The following KDM4B variants were observed in gnomAD, a reference collection of about 807,000 sequenced individuals.
The protein encoded by KDM4B is lysine-specific demethylase 4B.
In KDM4B, 32 loss-of-function variants were observed where a neutral mutation model predicts 125.2. The observed-to-expected ratio is 0.26, with a 90% CI of 0.19 to 0.34. The LOEUF (loss-of-function observed/expected upper bound fraction) is 0.34, where lower values mean the gene tolerates loss of function less well. Among genes scored for constraint, KDM4B ranks in the 10% least tolerant of loss-of-function variants. The pLI, the probability that KDM4B is intolerant of heterozygous loss-of-function variation, is 1.00. For synonymous variants in KDM4B, 721 were observed against 677.9 expected (o/e 1.06, Z -0.99); for missense variants, 1,190 against 1,577.7 (o/e 0.75, Z 4.16).
At chr19:5,147,717 C>T (rs937078627) in intron 21 of KDM4B, among the ~76,000 whole-genome samples, 7 of 137,668 alleles carry the variant, frequency 5.1e-5, no homozygotes, top group Admixed American at 3.1e-4. Flanking sequence ...CACTCCAACC[C>T]GGGTGATGAA....
rs2035889358 is a variant in KDM4B, at chr19:5,016,248, A to T, written c.-108-9A>T. ...TTTAGTTAATCATGCTTTTATTTGC[A>T]TGTTTTAGGAACCATCACTGTTGCT... On this transcript the variant is annotated splice_polypyrimidine_tract_variant and intron_variant, in intron 1 of 22. Coordinates refer to ENST00000159111, the MANE Select transcript of KDM4B (RefSeq NM_015015.3). The T allele has an allele frequency of 1.3e-5, 2 of 152,234 alleles. No homozygotes were observed. The highest frequency in any genetic ancestry group is 2.9e-5 in the Non-Finnish European group (2 of 68,030). The allele number at this position is 152,234 out of a possible 1,614,324, so 9.4% of individuals were successfully genotyped here.
rs1446450467 is a variant in KDM4B, at chr19:5,081,096, C to CTGGATCAGTGGT, written c.781-1269_781-1258dup. The CTGGATCAGTGGT allele has an allele frequency of 1.3e-5, 2 of 152,188 alleles. No individual in the cohort carries two copies. The highest frequency in any genetic ancestry group is 2.9e-5 in the Non-Finnish European group (2 of 68,048). The allele number at this position is 152,188 out of a possible 1,614,324, so 9.4% of individuals were successfully genotyped here. A position where few individuals can be genotyped will look rare whatever the true frequency, so the allele number is the denominator to read the frequency against. On this transcript the variant is annotated intron_variant, in intron 8 of 22. Transcript: ENST00000159111. This position sits in a 1 kb window ranked among gnomAD's most constrained non-coding sequence, Gnocchi z 4.2. The stretch of plus-strand genomic sequence containing the variant: ...GGGGCCCGGCATGTTTTGTTCCTGT[C>CTGGATCAGTGGT]TGGATCAGTGGTTACGCCCAGAACT...
At chr19:5,056,721 G>A (rs118174034) in intron 6 of KDM4B, among the ~76,000 whole-genome samples, 2,053 of 152,224 alleles carry the variant, frequency 0.013, 27 homozygotes, top group East Asian at 0.03. Context: ...CCTTTCTTAA[G>A]GTTAACTGAT....
intron 14 of KDM4B, among the ~76,000 whole-genome samples, chr19:5,134,703 G>A (rs1191891092): frequency 6.6e-6 from 1 of 152,214 alleles, no homozygotes; most frequent in Non-Finnish European, 1.5e-5. Flanking sequence ...GCATGTCCAG[G>A]CATCAGCAGA....
chr19:5,079,786 C>G (rs2038230865), intron 8 of KDM4B, among the ~76,000 whole-genome samples: 1 of 152,258 alleles, frequency 6.6e-6, no homozygotes, highest in Non-Finnish European at 1.5e-5. Context: ...AGGCTGGTCT[C>G]AAGCTCCTGG....
chr19:4,988,296 G>T (rs1211489387), intron 1 of KDM4B, among the ~76,000 whole-genome samples: 2 of 151,842 alleles, frequency 1.3e-5, no homozygotes, highest in African/African-American at 4.8e-5. Flanking sequence ...TCTTTTTTGA[G>T]ACGGAGTCTT....
chr19:5,150,940 C>A (rs988675533), intron 22 of KDM4B, among the ~76,000 whole-genome samples: 1 of 152,256 alleles, frequency 6.6e-6, no homozygotes, highest in Non-Finnish European at 1.5e-5. Flanking sequence ...TTCGCTCCCC[C>A]AGCCCTCATG....
intron 9 of KDM4B, 63 bp from the exon 10 acceptor site, chr19:5,110,559 G>A (rs2039120296): frequency 1.3e-6 from 2 of 1,540,852 alleles, no homozygotes; most frequent in South Asian, 1.1e-5. Context: ...GCTCTGGGGT[G>A]GGGTGTGTGG....
intron 6 of KDM4B, among the ~76,000 whole-genome samples, chr19:5,066,253 C>T (rs1199389160): frequency 3.3e-5 from 5 of 152,222 alleles, no homozygotes; most frequent in African/African-American, 1.2e-4. Context: ...ATTCACTACT[C>T]AAAACACCTC....
intron 6 of KDM4B, among the ~76,000 whole-genome samples, chr19:5,048,513 G>A (rs1041282271): frequency 6.6e-6 from 1 of 152,078 alleles, no homozygotes; most frequent in Non-Finnish European, 1.5e-5. Context: ...GGCCGTCCTC[G>A]CGCTGGAGGA....
intron 15 of KDM4B, 62 bp downstream of exon 15, chr19:5,135,623 C>A: frequency 1.4e-6 from 2 of 1,393,028 alleles, no homozygotes; most frequent in South Asian, 1.3e-5. Flanking sequence ...GTGGGGGTGC[C>A]GGTGGGGGCT....
At chr19:5,025,478 G>GC (rs1177183879) in intron 2 of KDM4B, among the ~76,000 whole-genome samples, 3 of 152,246 alleles carry the variant, frequency 2.0e-5, no homozygotes, top group African/African-American at 7.2e-5. Context: ...CTGGAAGCCA[G>GC]CCCTGCCTGC....
At position 4,997,686 on chromosome 19, in the gene KDM4B, G is replaced by T. The variant is rs553505028; in HGVS notation, c.-108-18571G>T. 6.6e-6 allele frequency among the ~76,000 whole-genome samples: 1 copy of T among 152,224 alleles called. No individual in the cohort carries two copies. On this transcript the variant is annotated intron_variant, in intron 1 of 22. Coordinates refer to ENST00000159111, the MANE Select transcript of KDM4B (RefSeq NM_015015.3). This position sits in a 1 kb window ranked among gnomAD's most constrained non-coding sequence, Gnocchi z 4.2. ...CACTCAGAGTCATCCCTGCCTCCTC[G>T]AGTTGGTGGGCTGGTCAGCCATGCC...
chr19:5,122,825 C>T (rs1257457332), intron 11 of KDM4B, among the ~76,000 whole-genome samples: 1 of 151,772 alleles, frequency 6.6e-6, no homozygotes, highest in East Asian at 1.9e-4. Flanking sequence ...GCTGTGTGCT[C>T]CTCGGACCAC....
rs1207951407 is a variant in KDM4B, at chr19:5,137,409, C to T, written c.2385+71C>T. ...CCCCGGCCCCACTCCAGTGGGGTGA[C>T]TTTGGGGCGTAGTCTCCCCTCCGTG... On this transcript the variant is annotated intron_variant, in intron 16 of 22. Coordinates refer to ENST00000159111, the MANE Select transcript of KDM4B (RefSeq NM_015015.3). The T allele has an allele frequency of 2.8e-6, 4 of 1,422,764 alleles. No homozygotes were observed. In the Admixed American group the frequency reaches 6.0e-5, roughly 21 times the overall value. The allele number at this position is 1,422,764 out of a possible 1,614,324, so 88.1% of individuals were successfully genotyped here. A position where few individuals can be genotyped will look rare whatever the true frequency, so the allele number is the denominator to read the frequency against.
chr19:5,001,190 G>A lies in KDM4B; in HGVS notation c.-108-15067G>A, dbSNP rs539068688. 1.8e-4 allele frequency among the ~76,000 whole-genome samples: 28 copies of A among 152,016 alleles called. No individual in the cohort carries two copies. In the South Asian group the frequency reaches 5.8e-3, roughly 32 times the overall value. On this transcript the variant is annotated intron_variant, in intron 1 of 22. Coordinates refer to ENST00000159111, the MANE Select transcript of KDM4B (RefSeq NM_015015.3). ...TGAGACCACAGGTGTGTGCCACCAT[G>A]CCAAGCTAATTTTTTTATGTTTTTA...
chr19:4,976,164 G>A (rs1025335420), intron 1 of KDM4B, among the ~76,000 whole-genome samples: 3 of 131,328 alleles, frequency 2.3e-5, no homozygotes, highest in African/African-American at 5.9e-5. Flanking sequence ...CAGGAGAATC[G>A]CTTGAACCCT....
At chr19:5,139,876 T>G (rs1420552235) in intron 18 of KDM4B, among the ~76,000 whole-genome samples, 1 of 152,234 alleles carries the variant, frequency 6.6e-6, no homozygotes, top group Non-Finnish European at 1.5e-5. Flanking sequence ...GGCCTCATCG[T>G]GGGGGCTTGT....
intron 6 of KDM4B, 47 bp downstream of exon 6, chr19:5,047,716 C>T (rs961998075): frequency 1.6e-5 from 25 of 1,578,428 alleles, no homozygotes; most frequent in Middle Eastern, 1.7e-4. Context: ...GAGAGCCCCT[C>T]GGGAGGGAGT....
Sources: allele counts gnomAD v4.1 joint callset (sites outside exome capture counted in the v4.1 genomes callset), GRCh38; gene constraint gnomAD v4.1.1; non-coding constraint Gnocchi (gnomAD v3.1); transcripts MANE v1.5; gene names NCBI Gene and HGNC (gene_info 2026-07-23, HGNC 2026-07-21).